GNG2: variants seen among roughly 807,000 people sequenced by gnomAD.
GNG2 encodes G protein subunit gamma 2, also known as guanine nucleotide-binding protein G(I)/G(S)/G(O) subunit gamma-2.
GNG2 carries 5 observed loss-of-function variants against 5.5 expected under a neutral mutation model. That is an observed-to-expected ratio of 0.91 (90% CI 0.48 to 1.92). GNG2 has a LOEUF of 1.92. Among genes scored for constraint, GNG2 ranks in the 30% most tolerant of loss-of-function variants. The pLI, the probability that GNG2 is intolerant of heterozygous loss-of-function variation, is 0.01. For synonymous variants in GNG2, 28 were observed against 32.0 expected, an observed-to-expected ratio of 0.88 and a Z score of 0.42; for missense variants, 55 against 88.4, an observed-to-expected ratio of 0.62 and a Z score of 1.52.
At chr14:51,826,762 T>C (rs1438196818) in intron 1 of GNG2, among the ~76,000 whole-genome samples, 2 of 152,076 alleles carry the variant, frequency 1.3e-5, no homozygotes, top group Non-Finnish European at 2.9e-5. Flanking sequence ...GGAGATGAGG[T>C]CAGCTGAAGA....
intron 2 of GNG2, among the ~76,000 whole-genome samples, chr14:51,843,739 T>A (rs907849981): frequency 6.6e-6 from 1 of 152,196 alleles, no homozygotes; most frequent in African/African-American, 2.4e-5. Context: ...TGGTTCCTCA[T>A]GTTTCCATTT....
intron 2 of GNG2, among the ~76,000 whole-genome samples, chr14:51,830,317 C>T (rs7159833): frequency 0.9 from 137,411 of 152,170 alleles, 62,753 homozygotes; most frequent in Non-Finnish European, 0.98. Context: ...CTTCTCTATC[C>T]ATACCCCCTT....
chr14:51,964,499 T>G (rs1889784877), intron 3 of GNG2, among the ~76,000 whole-genome samples: 1 of 152,130 alleles, frequency 6.6e-6, no homozygotes, highest in South Asian at 2.1e-4. Context: ...CAGTCACACT[T>G]CTCACTCCTA....
intron 2 of GNG2, among the ~76,000 whole-genome samples, chr14:51,914,589 A>T (rs565624013): frequency 6.6e-6 from 1 of 152,346 alleles, no homozygotes; most frequent in South Asian, 2.1e-4. Flanking sequence ...TCAGGTGCTT[A>T]TCTCTAATTA....
chr14:51,888,310 G>C (rs191666370), intron 2 of GNG2, among the ~76,000 whole-genome samples: 6 of 152,112 alleles, frequency 3.9e-5, no homozygotes, highest in Admixed American at 1.3e-4. Context: ...CGTTTTGTTT[G>C]TTTGTTTTTG....
chr14:51,873,533 T>C (rs939937747), intron 1 of GNG2, among the ~76,000 whole-genome samples: 3 of 152,246 alleles, frequency 2.0e-5, no homozygotes, highest in Non-Finnish European at 4.4e-5. Context: ...GCATCCTGCC[T>C]TTGTTATTGA....
intron 2 of GNG2, among the ~76,000 whole-genome samples, chr14:51,905,664 GT>G (rs1316451982): frequency 6.6e-6 from 1 of 152,186 alleles, no homozygotes; most frequent in Non-Finnish European, 1.5e-5. Flanking sequence ...GGGTGATATG[GT>G]TTGGCTGTGT....
chr14:51,951,772 A>C, intron 3 of GNG2: 6 of 627,286 alleles, frequency 9.6e-6, no homozygotes, highest in Non-Finnish European at 1.4e-5. Context: ...ATTAGAACAC[A>C]CTCATTTACA....
chr14:51,943,218 G>C, intron 2 of GNG2, among the ~76,000 whole-genome samples: 1 of 152,152 alleles, frequency 6.6e-6, no homozygotes, highest in East Asian at 1.9e-4. Flanking sequence ...GTAGTGTGTA[G>C]AAATGAATCA....
intron 2 of GNG2, among the ~76,000 whole-genome samples, chr14:51,887,321 A>G (rs1399898380): frequency 1.3e-5 from 2 of 152,192 alleles, no homozygotes; most frequent in Non-Finnish European, 2.9e-5. Context: ...GAAATGTAAT[A>G]CCTGGCTAGT....
rs1018254561 is a variant in GNG2 at position 51,833,064 on chromosome 14, A to C, written c.64+5257A>C. On this transcript the variant is annotated intron_variant, in intron 2 of 3. Coordinates refer to the GNG2 transcript ENST00000553432. The stretch of plus-strand genomic sequence containing the variant: ...TTACAACTCATTTCTCTATAGATCC[A>C]GTCAAGATTAAAGCTTATGGGGCCT... Among the ~76,000 whole-genome samples, 5 of 152,318 alleles carry C rather than the reference A, an allele frequency of 3.3e-5. No homozygotes were observed. The East Asian group carries it at 9.6e-4, about 29-fold the overall frequency.
rs34314614 is a variant in GNG2 at position 51,867,802 on chromosome 14, C to CT, written c.-71+7018dup. 1.4e-4 allele frequency among the ~76,000 whole-genome samples: 22 copies of CT among 152,260 alleles called. No homozygotes were observed. In the South Asian group the frequency reaches 3.1e-3, roughly 21 times the overall value. ...CATGAAGCCTCCCTTGGTTTCTTCCCTTTTTTCCCCAATAAAAAAACAATG... is the reference window on the plus strand; with the variant it reads ...CATGAAGCCTCCCTTGGTTTCTTCCCTTTTTTTCCCCAATAAAAAAACAATG... On this transcript the variant is annotated intron_variant, in intron 1 of 3. Transcript: ENST00000556766.
At chr14:51,937,781 T>A (rs1396572356) in intron 2 of GNG2, among the ~76,000 whole-genome samples, 1 of 152,206 alleles carries the variant, frequency 6.6e-6, no homozygotes, top group Non-Finnish European at 1.5e-5. Flanking sequence ...TAATATTTTT[T>A]AAAAGTGAAT....
At chr14:51,939,416 G>A (rs765111765) in intron 2 of GNG2, among the ~76,000 whole-genome samples, 4 of 152,192 alleles carry the variant, frequency 2.6e-5, no homozygotes, top group Non-Finnish European at 4.4e-5. Context: ...GCTGCATCTT[G>A]TAAAGTTAAT....
Position 51,852,855 on chromosome 14 carries a change from T to C in GNG2, c.64+25048T>C, listed in dbSNP as rs78906595. ...ACAGATTTGCCAGAAGAGCAATCAA[T>C]TGACAACGCTTTCCTTCATAAGAGC... On this transcript the variant is annotated intron_variant, in intron 2 of 3. Coordinates refer to the GNG2 transcript ENST00000553432. 1.1e-4 allele frequency among the ~76,000 whole-genome samples: 17 copies of C among 152,382 alleles called. 1 individual carries two copies. In the East Asian group the frequency reaches 2.3e-3, roughly 21 times the overall value.
At chr14:51,957,271 G>A (rs887911643) in intron 3 of GNG2, among the ~76,000 whole-genome samples, 7 of 151,980 alleles carry the variant, frequency 4.6e-5, no homozygotes, top group Non-Finnish European at 8.8e-5. Flanking sequence ...TACAAACATG[G>A]TGTTATTTCT....
chr14:51,866,490 C>T (rs925589446), intron 1 of GNG2, among the ~76,000 whole-genome samples: 3 of 152,214 alleles, frequency 2.0e-5, no homozygotes, highest in South Asian at 2.1e-4. Context: ...TAGAATTTCC[C>T]CACGTCTTCC....
chr14:51,928,602 A>G (rs990639366), intron 2 of GNG2, among the ~76,000 whole-genome samples: 3 of 152,298 alleles, frequency 2.0e-5, no homozygotes, highest in Non-Finnish European at 1.5e-5. Context: ...ATTCAGTTTT[A>G]TCTCATCCTA....
At chr14:51,884,278 T>A (rs1351256047) in intron 2 of GNG2, among the ~76,000 whole-genome samples, 15 of 152,210 alleles carry the variant, frequency 9.9e-5, no homozygotes, top group Admixed American at 9.8e-4. Flanking sequence ...CTGGTGGTAG[T>A]GAGAACTACA....
Sources: allele counts gnomAD v4.1 joint callset (sites outside exome capture counted in the v4.1 genomes callset), GRCh38; gene constraint gnomAD v4.1.1; transcripts MANE v1.5; gene names NCBI Gene and HGNC (gene_info 2026-07-23, HGNC 2026-07-21).